SRGAP3: variants seen among roughly 807,000 people sequenced by gnomAD.
The protein encoded by SRGAP3 is SLIT-ROBO Rho GTPase activating protein 3.
Under a neutral mutation model 121.1 loss-of-function variants are expected in SRGAP3, and 39 were observed. The observed-to-expected ratio is 0.32, with a 90% CI of 0.25 to 0.42. The LOEUF (loss-of-function observed/expected upper bound fraction) is 0.42, where lower values mean the gene tolerates loss of function less well. Among genes scored for constraint, SRGAP3 ranks in the 10% least tolerant of loss-of-function variants. SRGAP3 has a pLI of 1.00. For missense variants in SRGAP3, 1,213 were observed against 1,470.6 expected (o/e 0.82, Z 2.86); for synonymous variants, 601 against 570.0 (o/e 1.05, Z -0.77).
intron 1 of SRGAP3, among the ~76,000 whole-genome samples, chr3:9,228,246 G>A (rs557551583): frequency 7.2e-5 from 11 of 152,266 alleles, no homozygotes; most frequent in Non-Finnish European, 1.5e-4. Context: ...AAAGGCAGCC[G>A]CCAGTCAGCT....
chr3:9,263,989 G>A (rs889725568), intron 3 of SRGAP3, among the ~76,000 whole-genome samples: 3 of 152,134 alleles, frequency 2.0e-5, no homozygotes, highest in Non-Finnish European at 2.9e-5. Context: ...TTGGCAAACC[G>A]AATCCAGCAG....
rs149383097 is a variant in SRGAP3 at position 9,016,825 on chromosome 3, AAAG to A, written c.1679-1097_1679-1095del. Among the ~76,000 whole-genome samples the A allele has an allele frequency of 6.9e-3, 1,048 of 152,306 alleles. 14 individuals are homozygous for A. The highest frequency in any genetic ancestry group is 0.024 in the African/African-American group (999 of 41,562). On this transcript the variant is annotated intron_variant, in intron 14 of 21. Transcript: ENST00000383836. ...TGTGTATCAGCAGGCATTCTTTTGT[AAAG>A]AAGAGCTGTCTTCCTGTCCCCCACT... is the stretch of plus-strand genomic sequence containing the variant.
intron 3 of SRGAP3, among the ~76,000 whole-genome samples, chr3:9,289,562 T>C (rs548458804): frequency 1.3e-5 from 2 of 152,340 alleles, no homozygotes; most frequent in South Asian, 4.1e-4. Context: ...TACTTGTAGT[T>C]ACAAATTCTC....
intron 11 of SRGAP3, chr3:9,037,135 G>A (rs1467119358): frequency 2.0e-5 from 3 of 152,174 alleles, no homozygotes; most frequent in African/African-American, 7.2e-5. Flanking sequence ...CCCAGGATTT[G>A]GGGCCACTGG....
chr3:9,344,869 T>A (rs1020838681), intron 1 of SRGAP3, among the ~76,000 whole-genome samples: 1 of 151,716 alleles, frequency 6.6e-6, no homozygotes, highest in African/African-American at 2.4e-5. Context: ...AAACCCTGTC[T>A]CTACTAAAAA....
chr3:9,145,718 A>G (rs902422787), intron 1 of SRGAP3, among the ~76,000 whole-genome samples: 1 of 152,176 alleles, frequency 6.6e-6, no homozygotes, highest in African/African-American at 2.4e-5. Flanking sequence ...AAAGAAGAAC[A>G]TCAAGAAGGA....
intron 1 of SRGAP3, among the ~76,000 whole-genome samples, chr3:9,233,745 C>A (rs185477885): frequency 1.3e-5 from 2 of 152,166 alleles, no homozygotes; most frequent in African/African-American, 4.8e-5. Flanking sequence ...CCTTTAGATC[C>A]ATTTGCTATA....
intron 1 of SRGAP3, among the ~76,000 whole-genome samples, chr3:9,159,276 G>GAT (rs1263599651): frequency 6.7e-6 from 1 of 150,214 alleles, no homozygotes; most frequent in African/African-American, 2.5e-5. Context: ...GATCCCTGAT[G>GAT]ATATGTCCTC....
At chr3:9,236,802 C>T (rs897833854) in intron 1 of SRGAP3, among the ~76,000 whole-genome samples, 2 of 152,174 alleles carry the variant, frequency 1.3e-5, no homozygotes, top group African/African-American at 4.8e-5. Context: ...GAGATTAACA[C>T]TGTCTTTTCA....
At chr3:9,357,612 AG>A (rs1398993743) in intron 1 of SRGAP3, among the ~76,000 whole-genome samples, 1 of 151,054 alleles carries the variant, frequency 6.6e-6, no homozygotes, top group Non-Finnish European at 1.5e-5. Context: ...AAAAAAAAAA[AG>A]AGTATAAAAT....
chr3:9,032,154 T>C (rs1379567433), intron 12 of SRGAP3, among the ~76,000 whole-genome samples: 1 of 152,088 alleles, frequency 6.6e-6, no homozygotes, highest in East Asian at 1.9e-4. Flanking sequence ...TTTTCTCTTA[T>C]AAAAAATGTA....
rs147921195 is a variant in SRGAP3 at position 9,163,368 on chromosome 3, G to A, written c.68-38451C>T. Among the ~76,000 whole-genome samples, 357 of 152,336 alleles carry A rather than the reference G, an allele frequency of 2.3e-3. 3 individuals are homozygous for A. The highest frequency in any genetic ancestry group is 8.1e-3 in the African/African-American group (335 of 41,578). On this transcript the variant is annotated intron_variant, in intron 1 of 21. Coordinates refer to ENST00000383836, the MANE Select transcript of SRGAP3 (RefSeq NM_014850.4). ...AAGGAAGCAGAAAAGAAGGAAATAA[G>A]ACTGTTTTCCAGTCTTCCCTCAAAA... is the stretch of plus-strand genomic sequence containing the variant.
rs534270844 is a variant in SRGAP3 at position 9,139,205 on chromosome 3, T to C, written c.68-14288A>G. ...TTGGTTCCTCACAAATCTTTTTAAA[T>C]GAATAAATGAAATGTTGTATGTGTT... On this transcript the variant is annotated intron_variant, in intron 1 of 21. Coordinates refer to ENST00000383836, the MANE Select transcript of SRGAP3 (RefSeq NM_014850.4). Among the ~76,000 whole-genome samples the C allele has an allele frequency of 2.6e-5, 4 of 152,200 alleles. No individual in the cohort carries two copies. In the South Asian group the frequency reaches 6.2e-4, roughly 24 times the overall value.
intron 1 of SRGAP3, among the ~76,000 whole-genome samples, chr3:9,232,247 T>C (rs1296462489): frequency 6.6e-6 from 1 of 152,220 alleles, no homozygotes; most frequent in African/African-American, 2.4e-5. Flanking sequence ...GCATCCTCTC[T>C]AGCAGGAATT....
chr3:9,040,353 G>A (rs570307346), intron 10 of SRGAP3, among the ~76,000 whole-genome samples: 1 of 152,222 alleles, frequency 6.6e-6, no homozygotes, highest in Non-Finnish European at 1.5e-5. Context: ...ATCTCCTCAG[G>A]CTGCTTTCTC....
At chr3:9,234,770 T>C (rs1024003010) in intron 1 of SRGAP3, among the ~76,000 whole-genome samples, 1 of 152,094 alleles carries the variant, frequency 6.6e-6, no homozygotes, top group African/African-American at 2.4e-5. Context: ...AGTATCACAA[T>C]GGCCAGGAAA....
In SRGAP3 at chr3:9,214,663, G is replaced by A. The variant is rs1249879119; in HGVS notation, c.67+34222C>T. On this transcript the variant is annotated intron_variant, in intron 1 of 21. Coordinates refer to ENST00000383836, the MANE Select transcript of SRGAP3 (RefSeq NM_014850.4). Reference sequence around the variant, plus strand: ...TGAGCCCCTCTGAAATCCATGGATGGAGAAGCTGGAAGGCATCCAGATGTC... The same window carrying A: ...TGAGCCCCTCTGAAATCCATGGATGAAGAAGCTGGAAGGCATCCAGATGTC... 2.0e-5 allele frequency among the ~76,000 whole-genome samples: 3 copies of A among 152,220 alleles called. No homozygotes were observed. The East Asian group carries it at 5.8e-4, about 29-fold the overall frequency.
chr3:9,019,723 C>T (rs2125051406), intron 14 of SRGAP3, among the ~76,000 whole-genome samples: 1 of 152,350 alleles, frequency 6.6e-6, no homozygotes, highest in African/African-American at 2.4e-5. Flanking sequence ...AGAACGGTCC[C>T]CCTGCCTTCC....
intron 1 of SRGAP3, among the ~76,000 whole-genome samples, chr3:9,346,000 A>G (rs573829063): frequency 8.5e-5 from 13 of 152,268 alleles, no homozygotes; most frequent in African/African-American, 2.4e-4. Flanking sequence ...TCATTTTTAC[A>G]TATGACTTAA....
Sources: allele counts gnomAD v4.1 joint callset (sites outside exome capture counted in the v4.1 genomes callset), GRCh38; gene constraint gnomAD v4.1.1; transcripts MANE v1.5; gene names NCBI Gene and HGNC (gene_info 2026-07-23, HGNC 2026-07-21).